Variants in PCDH15 observed in about 807,000 individuals in gnomAD.
PCDH15 encodes protocadherin related 15, also known as protocadherin-15.
PCDH15 carries 129 observed loss-of-function variants against 178.5 expected under a neutral mutation model. The observed-to-expected ratio is 0.72, with a 90% CI of 0.63 to 0.84. The LOEUF (loss-of-function observed/expected upper bound fraction) is 0.84. Among genes scored for constraint, PCDH15 ranks in the 40% least tolerant of loss-of-function variants. PCDH15 has a pLI of 0.00. For missense variants in PCDH15, 2,230 were observed against 2,099.9 expected (o/e 1.06, Z -1.21); for synonymous variants, 800 against 732.0 (o/e 1.09, Z -1.50).
chr10:53,934,962 A>G (rs2085440485), intron 25 of PCDH15, among the ~76,000 whole-genome samples: 1 of 152,098 alleles, frequency 6.6e-6, no homozygotes, highest in Admixed American at 6.5e-5. Context: ...GAATTAAAAA[A>G]AAAATCCCTA....
At chr10:54,889,419 CACAGA>C (rs557853335) in intron 3 of PCDH15, among the ~76,000 whole-genome samples, 6 of 150,842 alleles carry the variant, frequency 4.0e-5, no homozygotes, top group Admixed American at 2.6e-4. Flanking sequence ...CAAACACGCG[CACAGA>C]ACAGAATACT....
intron 3 of PCDH15, among the ~76,000 whole-genome samples, chr10:54,478,218 G>A (rs941889007): frequency 6.6e-5 from 10 of 152,006 alleles, no homozygotes; most frequent in East Asian, 1.9e-4. Flanking sequence ...GCTAGTTGGC[G>A]CATTTTGATG....
At chr10:54,932,256 T>C (rs1032579992) in intron 2 of PCDH15, among the ~76,000 whole-genome samples, 1 of 152,174 alleles carries the variant, frequency 6.6e-6, no homozygotes, top group Non-Finnish European at 1.5e-5. Context: ...AACTTTCTAG[T>C]GGGATAAGAT....
chr10:55,366,646 C>T (rs945317814), intron 2 of PCDH15, among the ~76,000 whole-genome samples: 8 of 152,082 alleles, frequency 5.3e-5, no homozygotes, highest in Non-Finnish European at 7.4e-5. Flanking sequence ...TTTTAGGATG[C>T]ATAGACAATT....
At chr10:54,118,899 A>G (rs2095165746) in intron 15 of PCDH15, among the ~76,000 whole-genome samples, 1 of 152,080 alleles carries the variant, frequency 6.6e-6, no homozygotes, top group Admixed American at 6.5e-5. Flanking sequence ...AATCCAATGG[A>G]ATTATGAAGA....
chr10:54,295,665 C>T (rs1370093870), intron 8 of PCDH15, among the ~76,000 whole-genome samples: 3 of 152,128 alleles, frequency 2.0e-5, no homozygotes, highest in Non-Finnish European at 2.9e-5. Flanking sequence ...TGTGAAGCTC[C>T]GCGCTTCATT....
chr10:54,238,899 A>G (rs2054931424), intron 8 of PCDH15, among the ~76,000 whole-genome samples: 1 of 152,112 alleles, frequency 6.6e-6, no homozygotes, highest in East Asian at 1.9e-4. Context: ...CTTAAGCTGT[A>G]TCACTCCTGG....
intron 23 of PCDH15, among the ~76,000 whole-genome samples, chr10:53,946,616 A>G (rs1182580077): frequency 6.6e-6 from 1 of 152,222 alleles, no homozygotes; most frequent in Non-Finnish European, 1.5e-5. Flanking sequence ...TGTATCACAA[A>G]TAACTGCACT....
At chr10:54,715,046 A>C (rs2132412157) in intron 1 of PCDH15, among the ~76,000 whole-genome samples, 1 of 152,224 alleles carries the variant, frequency 6.6e-6, no homozygotes, top group African/African-American at 2.4e-5. Context: ...CAAGAGAAAT[A>C]TTGAGATTGC....
chr10:54,519,218 G>T (rs996747520), intron 3 of PCDH15, among the ~76,000 whole-genome samples: 41 of 152,110 alleles, frequency 2.7e-4, no homozygotes, highest in Admixed American at 1.4e-3. Context: ...CCAGGGCAAT[G>T]AGGCAGGAGA....
chr10:55,395,194 T>TGC (rs1362426463), intron 2 of PCDH15, among the ~76,000 whole-genome samples: 1 of 91,014 alleles, frequency 1.1e-5, no homozygotes, highest in Non-Finnish European at 2.3e-5. Flanking sequence ...TGTGTGTGTG[T>TGC]GTGAGAGAGA....
In PCDH15 at chr10:54,904,864, G is replaced by A. The variant is rs141436330; in HGVS notation, c.-79-7364C>T. Among the ~76,000 whole-genome samples the A allele has an allele frequency of 2.5e-4, 36 of 143,162 alleles. No homozygotes were observed. In the East Asian group the frequency reaches 7.8e-3, roughly 31 times the overall value. The allele number at this position is 143,162 out of a possible 152,430, so 93.9% of individuals were successfully genotyped here. A position where few individuals can be genotyped will look rare whatever the true frequency, so the allele number is the denominator to read the frequency against. Reference sequence around the variant, plus strand: ...CAAGAGGTAAAGTGTGGAGAAAAGGGAAGAAGGTGGGTATAAATTAAAAAA... The same window carrying A: ...CAAGAGGTAAAGTGTGGAGAAAAGGAAAGAAGGTGGGTATAAATTAAAAAA... On this transcript the variant is annotated intron_variant, in intron 2 of 5. Transcript: ENST00000458638.
At chr10:55,474,138 G>A (rs1468866275) in intron 2 of PCDH15, among the ~76,000 whole-genome samples, 1 of 152,072 alleles carries the variant, frequency 6.6e-6, no homozygotes, top group Non-Finnish European at 1.5e-5. Flanking sequence ...CAAAATTCAA[G>A]ATCAGATGTG....
At chr10:55,396,233 C>T (rs1383025620) in intron 2 of PCDH15, among the ~76,000 whole-genome samples, 1 of 152,138 alleles carries the variant, frequency 6.6e-6, no homozygotes, top group African/African-American at 2.4e-5. Context: ...TATTCCAGCA[C>T]TTTAGAAACA....
chr10:55,390,057 G>C (rs1223115588), intron 2 of PCDH15, among the ~76,000 whole-genome samples: 1 of 152,078 alleles, frequency 6.6e-6, no homozygotes, highest in Non-Finnish European at 1.5e-5. Flanking sequence ...CAGAGATATT[G>C]CGGGTTTAGT....
chr10:55,363,159 AC>A (rs1221068430), intron 2 of PCDH15, among the ~76,000 whole-genome samples: 1 of 152,114 alleles, frequency 6.6e-6, no homozygotes, highest in Non-Finnish European at 1.5e-5. Context: ...TTTCCTAGAG[AC>A]CTATCCAAGA....
In PCDH15 at chr10:54,195,721, G is replaced by T. The variant is rs2049537909; in HGVS notation, c.1267C>A (p.Pro423Thr). ...TTGTCCAGAGCTACTATTCTTAAAG[G>T]TGAAGTCAAATTGAGACTGTCCGAA... ...TISDSLNLTS[P>T]LRIVALDKDI... is the part of the protein sequence containing the mutation. Residue 423 changes from proline (P) to threonine (T), a missense_variant, in exon 11 of 38, where the codon CCT (proline) becomes ACT (threonine). Transcript: ENST00000644397. 1 of 1,613,968 alleles carries T rather than the reference G, an allele frequency of 6.2e-7. No homozygotes were observed. Among genetic ancestry groups the T allele is most frequent in the Non-Finnish European group, 8.5e-7 (1 of 1,179,954 alleles).
At chr10:55,224,563 T>C (rs1245218640) in intron 1 of PCDH15, among the ~76,000 whole-genome samples, 2 of 152,066 alleles carry the variant, frequency 1.3e-5, no homozygotes, top group Admixed American at 1.3e-4. Context: ...CCTTAGCTGA[T>C]CCAACAGCAG....
chr10:54,804,820 T>A (rs1274490520), upstream of PCDH15, among the ~76,000 whole-genome samples: 2 of 150,804 alleles, frequency 1.3e-5, no homozygotes, highest in East Asian at 3.9e-4. Context: ...AGTTCATCTG[T>A]GCACTGGTAT....
Sources: gnomAD v4.1 joint callset for allele counts (sites outside exome capture counted in the v4.1 genomes callset) on GRCh38, gnomAD v4.1.1 for gene constraint, MANE v1.5 for transcripts, NCBI Gene and HGNC (gene_info 2026-07-23, HGNC 2026-07-21) for gene names.